SCOC: variants seen among roughly 807,000 people sequenced by gnomAD.
The protein encoded by SCOC is short coiled-coil protein.
SCOC carries 7 observed loss-of-function variants against 9.9 expected under a neutral mutation model. The observed-to-expected ratio is 0.71, with a 90% CI of 0.40 to 1.33. The LOEUF is 1.33. SCOC is among the 40% of genes most tolerant of loss of function. The pLI, the probability that SCOC is intolerant of heterozygous loss-of-function variation, is 0.01. For missense variants in SCOC, 66 were observed against 89.7 expected (o/e 0.74, Z 1.07); for synonymous variants, 19 against 28.2 (o/e 0.67, Z 1.03).
At chr4:140,371,835 C>T (rs1728070155), upstream of SCOC, among the ~76,000 whole-genome samples, 1 of 152,138 alleles carries the variant, frequency 6.6e-6, no homozygotes, top group Non-Finnish European at 1.5e-5. Context: ...GTATTATTCA[C>T]AATAGCCAAA....
upstream of SCOC, chr4:140,373,518 G>C (rs539903607): frequency 3.7e-5 from 57 of 1,551,720 alleles, no homozygotes; most frequent in East Asian, 5.4e-4. Flanking sequence ...TTGGACGACT[G>C]GGGTGAGGCG....
upstream of SCOC, among the ~76,000 whole-genome samples, chr4:140,371,588 A>G (rs1226176471): frequency 1.3e-5 from 2 of 152,188 alleles, no homozygotes; most frequent in African/African-American, 4.8e-5. Flanking sequence ...TTTTCCCCAC[A>G]ACCTTAGAAA....
chr4:140,374,370 G>A (rs921568657), intron 1 of SCOC: 12 of 325,346 alleles, frequency 3.7e-5, no homozygotes, highest in Middle Eastern at 9.7e-4. Context: ...CAACAATAAG[G>A]ACAGATGCCA....
intron 1 of SCOC, among the ~76,000 whole-genome samples, chr4:140,326,571 A>C (rs1228614599): frequency 6.6e-6 from 1 of 152,192 alleles, no homozygotes; most frequent in East Asian, 1.9e-4. Context: ...CCTGAAAAGC[A>C]AGGCCTGTGT....
intron 1 of SCOC, among the ~76,000 whole-genome samples, chr4:140,323,672 C>T (rs1732564547): frequency 6.6e-6 from 1 of 152,124 alleles, no homozygotes; most frequent in East Asian, 1.9e-4. Flanking sequence ...CAAACTACCA[C>T]AACTCACTTA....
intron 1 of SCOC, among the ~76,000 whole-genome samples, chr4:140,278,209 T>C (rs1560679074): frequency 6.6e-6 from 1 of 152,148 alleles, no homozygotes; most frequent in South Asian, 2.1e-4. Flanking sequence ...AGATTTGGTG[T>C]CTGGTGTAGG....
chr4:140,361,997 C>T (rs769282622), intron 2 of SCOC, among the ~76,000 whole-genome samples: 7 of 151,936 alleles, frequency 4.6e-5, no homozygotes, highest in Non-Finnish European at 8.8e-5. Context: ...CTGAAGGGGA[C>T]TTGAACTTGA....
At chr4:140,350,153 G>A (rs1008645288) in intron 2 of SCOC, among the ~76,000 whole-genome samples, 1 of 152,106 alleles carries the variant, frequency 6.6e-6, no homozygotes, top group African/African-American at 2.4e-5. Context: ...ACCCCATTCA[G>A]GCAATGCCAC....
At chr4:140,311,911 A>T (rs1732167477) in intron 1 of SCOC, among the ~76,000 whole-genome samples, 1 of 152,224 alleles carries the variant, frequency 6.6e-6, no homozygotes, top group African/African-American at 2.4e-5. Context: ...CTGCCACCTA[A>T]AAATTTTCCT....
chr4:140,303,145 A>G (rs1490424633), intron 1 of SCOC, among the ~76,000 whole-genome samples: 2 of 152,222 alleles, frequency 1.3e-5, no homozygotes, highest in African/African-American at 4.8e-5. Context: ...AGCTTAAAAA[A>G]AAAGCTTTCT....
At position 140,385,027 on chromosome 4, in the gene SCOC, T is replaced by C. The variant is rs1167769800; in HGVS notation, c.*3923T>C. 2.0e-5 allele frequency: 3 copies of C among 152,166 alleles called. No individual in the cohort carries two copies. The highest frequency in any genetic ancestry group is 4.4e-5 in the Non-Finnish European group (3 of 68,034). The allele number at this position is 152,166 out of a possible 1,614,324, so 9.4% of individuals were successfully genotyped here. ...ACTTCCAGCTTCCAAAACTGAGAAATAAATTTGTTTATAAGCCACCCAGTC... is the reference window on the plus strand; with the variant it reads ...ACTTCCAGCTTCCAAAACTGAGAAACAAATTTGTTTATAAGCCACCCAGTC... On this transcript the variant is annotated 3_prime_UTR_variant, in exon 4 of 4. Coordinates refer to ENST00000608372, the MANE Select transcript of SCOC (RefSeq NM_001153484.2).
chr4:140,349,810 A>G (rs778728930), intron 2 of SCOC, among the ~76,000 whole-genome samples: 13 of 151,994 alleles, frequency 8.6e-5, no homozygotes, highest in Admixed American at 2.0e-4. Flanking sequence ...CTGCCTCCCA[A>G]TGGTTTATCT....
intron 1 of SCOC, among the ~76,000 whole-genome samples, chr4:140,299,495 TA>T (rs1212801210): frequency 6.6e-6 from 1 of 152,216 alleles, no homozygotes; most frequent in Non-Finnish European, 1.5e-5. Context: ...AGTTAGAAGC[TA>T]AATAGAACAC....
In SCOC at chr4:140,381,203, GA is replaced by G; in HGVS notation, c.*101del. ...GTTACAGTACCTTTGTGGCTTCATT[GA>G]ATATTTATGAAGATAATGTCAGATG... On this transcript the variant is annotated 3_prime_UTR_variant, in exon 4 of 4. Coordinates refer to ENST00000608372, the MANE Select transcript of SCOC (RefSeq NM_001153484.2). 1.8e-6 allele frequency: 2 copies of G among 1,127,180 alleles called. No homozygotes were observed. Among genetic ancestry groups the G allele is most frequent in the Non-Finnish European group, 2.5e-6 (2 of 803,866 alleles). 69.8% of individuals were successfully genotyped at this position (1,127,180 alleles called of 1,614,324 possible).
chr4:140,308,408 G>A (rs1307112057), intron 1 of SCOC, among the ~76,000 whole-genome samples: 1 of 152,180 alleles, frequency 6.6e-6, no homozygotes, highest in Non-Finnish European at 1.5e-5. Flanking sequence ...CAGAAAGACT[G>A]TATGCACACT....
chr4:140,292,646 A>G (rs1256151258), intron 1 of SCOC, among the ~76,000 whole-genome samples: 1 of 152,196 alleles, frequency 6.6e-6, no homozygotes, highest in Non-Finnish European at 1.5e-5. Flanking sequence ...AAGAGATGGG[A>G]CAATTCCTGA....
upstream of SCOC, among the ~76,000 whole-genome samples, chr4:140,368,824 C>A (rs1280461367): frequency 6.6e-6 from 1 of 152,052 alleles, no homozygotes; most frequent in Non-Finnish European, 1.5e-5. Flanking sequence ...AGATATTTAA[C>A]CTTTTATCTG....
chr4:140,317,310 G>A (rs1329434232), intron 1 of SCOC, among the ~76,000 whole-genome samples: 1 of 152,160 alleles, frequency 6.6e-6, no homozygotes, highest in Non-Finnish European at 1.5e-5. Flanking sequence ...GGAATCTACA[G>A]GCAGATAGCA....
At chr4:140,261,084 G>C (rs1463420108) in intron 1 of SCOC, among the ~76,000 whole-genome samples, 2 of 152,214 alleles carry the variant, frequency 1.3e-5, no homozygotes, top group Admixed American at 1.3e-4. Flanking sequence ...AAGGTAGATT[G>C]ATCCTCATTC....
Sources: gnomAD v4.1 joint callset for allele counts (sites outside exome capture counted in the v4.1 genomes callset) on GRCh38, gnomAD v4.1.1 for gene constraint, MANE v1.5 for transcripts, NCBI Gene and HGNC (gene_info 2026-07-23, HGNC 2026-07-21) for gene names.